STAB2: variants seen among roughly 807,000 people sequenced by gnomAD.
The protein encoded by STAB2 is stabilin-2.
STAB2 carries 288 observed loss-of-function variants against 338.1 expected under a neutral mutation model. That is an observed-to-expected ratio of 0.85 (90% CI 0.77 to 0.94). The LOEUF is 0.94. Among genes scored for constraint, STAB2 ranks in the 40% least tolerant of loss-of-function variants. The probability of loss-of-function intolerance (pLI) is 0.00; values close to 1 mark genes in which losing one functional copy is unlikely to be tolerated. For synonymous variants in STAB2, 1,202 were observed against 1,193.3 expected (o/e 1.01, Z -0.15); for missense variants, 3,141 against 3,210.1 (o/e 0.98, Z 0.52).
Position 103,739,443 on chromosome 12 carries a change from G to C in STAB2, c.5729G>C (p.Ser1910Thr). ...GECGSCVNTPSCPRWSKPKGV... is the reference protein window; with the variant it reads ...GECGSCVNTPTCPRWSKPKGV... ...TGTGGGAGCTGTGTCAATACTCCCAGCTGCCCAAGGTGGAGTAAACCAAAG... is the reference window on the plus strand; with the variant it reads ...TGTGGGAGCTGTGTCAATACTCCCACCTGCCCAAGGTGGAGTAAACCAAAG... The change falls in exon 54 of 69, where the codon AGC becomes ACC. Residue 1910 changes from serine to threonine, a missense_variant. Ser to Thr is a moderately conservative substitution (Grantham distance 58). Coordinates refer to ENST00000388887, the MANE Select transcript of STAB2 (RefSeq NM_017564.10). 1 of 1,594,866 alleles carries C rather than the reference G, an allele frequency of 6.3e-7. No homozygotes were observed. Among genetic ancestry groups the C allele is most frequent in the Non-Finnish European group, 8.5e-7 (1 of 1,170,744 alleles).
chr12:103,730,693 G>A (rs963617641), intron 49 of STAB2, among the ~76,000 whole-genome samples: 4 of 152,096 alleles, frequency 2.6e-5, no homozygotes, highest in Non-Finnish European at 5.9e-5. Context: ...ATCTCTGGAA[G>A]GGTAGAGCCT....
At chr12:103,594,277 A>T in intron 2 of STAB2, 118 bp from the exon 3 acceptor site, 1 of 710,726 alleles carries the variant, frequency 1.4e-6, no homozygotes, top group Non-Finnish European at 2.5e-6. Context: ...TGTTCCATCT[A>T]GATATTTTTA....
Position 103,587,435 on chromosome 12 carries a change from C to T in STAB2, c.-42C>T, listed in dbSNP as rs1283375044. 1 of 1,530,952 alleles carries T rather than the reference C, an allele frequency of 6.5e-7. No homozygotes were observed. The highest frequency in any genetic ancestry group is 2.3e-5 in the East Asian group (1 of 43,974). 94.8% of individuals were successfully genotyped at this position (1,530,952 alleles called of 1,614,324 possible). A position where few individuals can be genotyped will look rare whatever the true frequency, so the allele number is the denominator to read the frequency against. ...AACTAAGTTAAAATAGCTAAGTCAG[C>T]CTGACAGGTGCTTGGCACAGAGAAG... On this transcript the variant is annotated 5_prime_UTR_variant, in exon 1 of 69. Coordinates refer to ENST00000388887, the MANE Select transcript of STAB2 (RefSeq NM_017564.10).
Position 103,677,609 on chromosome 12 carries a change from C to G in STAB2, c.2803C>G (p.Gln935Glu), listed in dbSNP as rs368928631. 3.4e-5 allele frequency: 54 copies of G among 1,610,226 alleles called. 1 individual carries two copies. The highest frequency in any genetic ancestry group is 1.5e-4 in the Admixed American group (9 of 59,924). The change falls in exon 25 of 69, where the codon CAG becomes GAG. Residue 935 changes from glutamine (Q) to glutamate (E), a missense_variant and splice_region_variant. Transcript: ENST00000388887. ...ATCCTGTTTGTATGTGGGTCCCGGG[C>G]AGGTAGGTTGGATGTCATGAGAGCA... ...NASCLYVGPG[Q>E]NECECKKGFR...
At chr12:103,673,134 C>T (rs1021556357) in intron 22 of STAB2, among the ~76,000 whole-genome samples, 6 of 152,120 alleles carry the variant, frequency 3.9e-5, no homozygotes, top group Non-Finnish European at 8.8e-5. Context: ...GAAAAACAAA[C>T]ATATTAGCTA....
intron 54 of STAB2, among the ~76,000 whole-genome samples, chr12:103,739,885 T>C (rs1034930737): frequency 1.3e-5 from 2 of 152,140 alleles, no homozygotes; most frequent in Admixed American, 1.3e-4. Context: ...GAAAAATGGG[T>C]CTCAGAGAGG....
At chr12:103,708,632 ACTT>A (rs1017739776) in intron 39 of STAB2, 96 bp downstream of exon 39, 78 of 1,126,658 alleles carry the variant, frequency 6.9e-5, no homozygotes, top group Admixed American at 9.1e-5. Flanking sequence ...ACCTTTTTTT[ACTT>A]CTTCTGGCAA....
intron 22 of STAB2, among the ~76,000 whole-genome samples, chr12:103,673,249 T>C (rs1875989238): frequency 6.6e-6 from 1 of 152,188 alleles, no homozygotes; most frequent in Admixed American, 6.5e-5. Flanking sequence ...CAGGAAGTAG[T>C]TGAAAATGGA....
chr12:103,753,234 G>A lies in STAB2; in HGVS notation c.6595G>A (p.Val2199Met), dbSNP rs924984740. 3 of 1,614,176 alleles carry A rather than the reference G, an allele frequency of 1.9e-6. No individual in the cohort carries two copies. Among genetic ancestry groups the A allele is most frequent in the Non-Finnish European group, 2.5e-6 (3 of 1,180,022 alleles). ...DLHFQDTTVG[V>M]FHLRSPLGQY... ...TCCTCATCCAGATACCACTGTTGGG[G>A]TGTTCCATCTACGCTCCCCACTGGG... Residue 2199 changes from valine to methionine, a missense_variant, in exon 61 of 69, where the codon GTG (valine) becomes ATG (methionine). Physicochemically the swap from Val to Met is conservative, Grantham distance 21. Transcript: ENST00000388887.
In STAB2 at chr12:103,716,027, G is replaced by A. The variant is rs1368157396; in HGVS notation, c.4611+139G>A. On this transcript the variant is annotated intron_variant, in intron 43 of 68. Coordinates refer to ENST00000388887, the MANE Select transcript of STAB2 (RefSeq NM_017564.10). ...AAATAAATACTTTAGGGGAAATTCT[G>A]AAAGAATCAAGAGGCCCTTCTTTGG... 5.2e-6 allele frequency: 5 copies of A among 966,584 alleles called. No individual in the cohort carries two copies. In the East Asian group the frequency reaches 1.3e-4, roughly 25 times the overall value. 59.9% of individuals were successfully genotyped at this position (966,584 alleles called of 1,614,324 possible).
chr12:103,602,549 T>A (rs534225990), intron 3 of STAB2, among the ~76,000 whole-genome samples: 2 of 152,342 alleles, frequency 1.3e-5, no homozygotes, highest in East Asian at 3.9e-4. Flanking sequence ...ACTGCCAAAC[T>A]GTTTTCCAAA....
chr12:103,757,555 C>A (rs532697960), intron 63 of STAB2, among the ~76,000 whole-genome samples: 1 of 152,214 alleles, frequency 6.6e-6, no homozygotes, highest in Non-Finnish European at 1.5e-5. Context: ...CAGGGTCCCC[C>A]TTCTGTCTGA....
chr12:103,756,025 A>G (rs1884077806), intron 63 of STAB2, among the ~76,000 whole-genome samples: 1 of 152,166 alleles, frequency 6.6e-6, no homozygotes, highest in Admixed American at 6.5e-5. Flanking sequence ...TGGTCTGTAC[A>G]TGGAAAATTC....
chr12:103,687,976 G>GT (rs1877580532), intron 27 of STAB2, among the ~76,000 whole-genome samples, 192 bp from the exon 28 acceptor site: 1 of 152,226 alleles, frequency 6.6e-6, no homozygotes, highest in Admixed American at 6.5e-5. Flanking sequence ...GTGCGGTTCT[G>GT]TCAGCATGGA....
Position 103,699,231 on chromosome 12 carries a change from C to CGA in STAB2, c.3714+5_3714+6dup, listed in dbSNP as rs1566025464. The CGA allele has an allele frequency of 6.2e-7, 1 of 1,607,118 alleles. No homozygotes were observed. Among genetic ancestry groups the CGA allele is most frequent in the Admixed American group, 1.7e-5 (1 of 59,816 alleles). ...CTTCTTTCTCCATAATGACCAGGTACGATCCTTTTATGTAAAACCCCAGCA... is the reference window on the plus strand; with the variant it reads ...CTTCTTTCTCCATAATGACCAGGTACGAGATCCTTTTATGTAAAACCCCAGCA... On this transcript the variant is annotated splice_donor_region_variant and intron_variant, in intron 34 of 68. Transcript: ENST00000388887.
Position 103,705,768 on chromosome 12 carries a change from A to G in STAB2, c.3996+41A>G, listed in dbSNP as rs1025702361. Reference sequence around the variant, plus strand: ...GAATCATACTAACTACTGCAGCACCATTGGGAAAATCCATCATATGGTATC... The same window carrying G: ...GAATCATACTAACTACTGCAGCACCGTTGGGAAAATCCATCATATGGTATC... On this transcript the variant is annotated intron_variant, in intron 37 of 68. Transcript: ENST00000388887. 3.8e-6 allele frequency: 6 copies of G among 1,579,488 alleles called. No individual in the cohort carries two copies. In the African/African-American group the frequency reaches 5.4e-5, roughly 14 times the overall value.
intron 40 of STAB2, among the ~76,000 whole-genome samples, chr12:103,711,805 G>A (rs1373019184): frequency 1.3e-5 from 2 of 152,276 alleles, no homozygotes; most frequent in East Asian, 3.9e-4. Context: ...AACCCAGTGG[G>A]CCTCAGTTTC....
In STAB2 at chr12:103,624,755, T is replaced by C. The variant is rs140124186; in HGVS notation, c.487+2644T>C. On this transcript the variant is annotated intron_variant, in intron 5 of 68. Transcript: ENST00000388887. ...GAGTTTGAGACCAGCCTGGCCAACATGGTGAAACCCCATCTCTACTAAAAA... is the reference window on the plus strand; with the variant it reads ...GAGTTTGAGACCAGCCTGGCCAACACGGTGAAACCCCATCTCTACTAAAAA... Among the ~76,000 whole-genome samples the C allele has an allele frequency of 6.2e-3, 951 of 152,202 alleles. 9 individuals carry two copies. The highest frequency in any genetic ancestry group is 0.022 in the African/African-American group (894 of 41,528).
intron 61 of STAB2, 143 bp downstream of exon 61, chr12:103,753,496 A>G (rs555407775): frequency 1.8e-6 from 2 of 1,112,060 alleles, no homozygotes; most frequent in East Asian, 2.5e-5. Context: ...AACAGTCACC[A>G]TGTCCATTTA....
Sources: gnomAD v4.1 joint callset for allele counts (sites outside exome capture counted in the v4.1 genomes callset) on GRCh38, gnomAD v4.1.1 for gene constraint, MANE v1.5 for transcripts, NCBI Gene and HGNC (gene_info 2026-07-23, HGNC 2026-07-21) for gene names.